POLH: variants seen among roughly 807,000 people sequenced by gnomAD.
POLH encodes DNA polymerase eta transcript.
POLH carries 53 observed loss-of-function variants against 73.6 expected under a neutral mutation model. The ratio of observed to expected loss-of-function variants is 0.72; its 90% CI spans 0.58 to 0.91. The LOEUF is 0.91. POLH is among the 40% of genes least tolerant of loss of function. The pLI, the probability that POLH is intolerant of heterozygous loss-of-function variation, is 0.00. For synonymous variants in POLH, 292 were observed against 308.5 expected (o/e 0.95, Z 0.56); for missense variants, 768 against 865.4 (o/e 0.89, Z 1.41).
intron 4 of POLH, among the ~76,000 whole-genome samples, chr6:43,597,016 GA>G (rs974097023): frequency 3.3e-5 from 5 of 152,004 alleles, no homozygotes; most frequent in African/African-American, 1.2e-4. Context: ...TTTTCTAATT[GA>G]AAAAAATATT....
chr6:43,579,874 T>C (rs1306458766), intron 1 of POLH, among the ~76,000 whole-genome samples: 2 of 152,220 alleles, frequency 1.3e-5, no homozygotes, highest in Non-Finnish European at 2.9e-5. Flanking sequence ...GTCTACCTTA[T>C]TGATTGTTGT....
At chr6:43,577,052 G>A (rs532111069) in intron 1 of POLH, among the ~76,000 whole-genome samples, 7 of 152,256 alleles carry the variant, frequency 4.6e-5, no homozygotes, top group African/African-American at 1.7e-4. Context: ...GGCGGTGCGC[G>A]CCTGTAATCC....
chr6:43,604,518 A>G, intron 7 of POLH, 97 bp from the exon 8 acceptor site: 1 of 1,365,204 alleles, frequency 7.3e-7, no homozygotes. Context: ...CTTTTTCATG[A>G]AAAAGATAAA....
intron 3 of POLH, among the ~76,000 whole-genome samples, chr6:43,586,220 G>T (rs554482974): frequency 2.6e-5 from 4 of 151,958 alleles, no homozygotes; most frequent in African/African-American, 7.3e-5. Context: ...GGCTCACGCC[G>T]GTAATCCCAG....
intron 4 of POLH, chr6:43,591,342 C>G (rs1324737704): frequency 6.6e-6 from 1 of 151,996 alleles, no homozygotes; most frequent in Admixed American, 6.6e-5. Flanking sequence ...ATATGCAACA[C>G]TGATTTTTTT....
At chr6:43,611,538 C>T (rs1767880432) in intron 10 of POLH, among the ~76,000 whole-genome samples, 1 of 152,028 alleles carries the variant, frequency 6.6e-6, no homozygotes, top group Non-Finnish European at 1.5e-5. Context: ...GGATTGGAAT[C>T]CTTTAATTGC....
intron 9 of POLH, among the ~76,000 whole-genome samples, chr6:43,609,670 T>C (rs1310469161): frequency 6.6e-6 from 1 of 152,216 alleles, no homozygotes; most frequent in East Asian, 1.9e-4. Context: ...TAGAAACTTC[T>C]GGAATTGGTG....
chr6:43,576,611 G>A (rs1432634969), intron 1 of POLH, among the ~76,000 whole-genome samples, 171 bp downstream of exon 1: 3 of 152,170 alleles, frequency 2.0e-5, no homozygotes, highest in Admixed American at 6.6e-5. Flanking sequence ...GTAGAAAAAA[G>A]TATGTTTTTC....
rs1306039477 is a variant in POLH, at chr6:43,588,992, C to T, written c.490+1503C>T. ...AGCTGGGATTACGGGCGCCCGCCACCGCGCCCGGCTAATTTTTTTGTATTT... is the reference window on the plus strand; with the variant it reads ...AGCTGGGATTACGGGCGCCCGCCACTGCGCCCGGCTAATTTTTTTGTATTT... On this transcript the variant is annotated intron_variant, in intron 4 of 10. Transcript: ENST00000372236. Among the ~76,000 whole-genome samples the T allele has an allele frequency of 3.3e-5, 5 of 152,158 alleles. No individual in the cohort carries two copies. In the South Asian group the frequency reaches 6.2e-4, roughly 19 times the overall value.
rs1010143363 is a variant in POLH at position 43,595,839 on chromosome 6, AT to A, written c.491-1852del. 2.0e-5 allele frequency among the ~76,000 whole-genome samples: 3 copies of A among 150,546 alleles called. No individual in the cohort carries two copies. In the East Asian group the frequency reaches 5.8e-4, roughly 29 times the overall value. ...TTCCTCAGCACAATGGCTTGCATGT[AT>A]TTTTCTTTTTTTTTTTAAATTACCT... On this transcript the variant is annotated intron_variant, in intron 4 of 10. Transcript: ENST00000372236.
chr6:43,614,568 A>T lies in POLH; in HGVS notation c.*11A>T. The stretch of plus-strand genomic sequence containing the variant: ...CCATTAACACATTAGTGCTGCCCTC[A>T]GGCTTGCCTGTAGGATTTAATATTT... On this transcript the variant is annotated 3_prime_UTR_variant, in exon 11 of 11. Coordinates refer to ENST00000372236, the MANE Select transcript of POLH (RefSeq NM_006502.3). The T allele has an allele frequency of 6.2e-7, 1 of 1,607,932 alleles. No individual in the cohort carries two copies. Among genetic ancestry groups the T allele is most frequent in the Non-Finnish European group, 8.5e-7 (1 of 1,175,382 alleles).
In POLH at chr6:43,583,050, AG is replaced by A; in HGVS notation, c.182del (p.Arg61LysfsTer39). On this transcript the variant is annotated frameshift_variant, in exon 3 of 11. Transcript: ENST00000372236. LOFTEE classifies it high-confidence loss of function. ...TGAAGCTCGTGCATTTGGAGTCACT[AG>A]AAGTATGTGGGCAGATGATGCTAAG... ...SYEARAFGVT[R>X]SMWADDAKKL... 6.2e-7 allele frequency: 1 copy of A among 1,613,712 alleles called. No individual in the cohort carries two copies. Among genetic ancestry groups the A allele is most frequent in the Non-Finnish European group, 8.5e-7 (1 of 1,179,616 alleles).
At chr6:43,577,685 A>T (rs1763528196) in intron 1 of POLH, among the ~76,000 whole-genome samples, 1 of 151,990 alleles carries the variant, frequency 6.6e-6, no homozygotes, top group Admixed American at 6.6e-5. Flanking sequence ...ACTCAACTGT[A>T]TAACCTGTGT....
In POLH at chr6:43,620,441, T is replaced by C. The variant is rs921176562; in HGVS notation, c.*5884T>C. ...TCACTTGTCTCTAATCCTGAAGAGG[T>C]ATCTAGCCCTGGAAGGAAGCTGAGC... is the stretch of plus-strand genomic sequence containing the variant. On this transcript the variant is annotated 3_prime_UTR_variant, in exon 11 of 11. Coordinates refer to ENST00000372236, the MANE Select transcript of POLH (RefSeq NM_006502.3). 5.2e-6 allele frequency: 2 copies of C among 386,490 alleles called. No individual in the cohort carries two copies. Among genetic ancestry groups the C allele is most frequent in the African/African-American group, 2.1e-5 (1 of 47,510 alleles). The allele number at this position is 386,490 out of a possible 1,614,324, so 23.9% of individuals were successfully genotyped here.
At position 43,582,731 on chromosome 6, in the gene POLH, G is replaced by A. The variant is rs9333508; in HGVS notation, c.137+275G>A. Among the ~76,000 whole-genome samples, 4,930 of 152,176 alleles carry A rather than the reference G, an allele frequency of 0.032. 106 individuals carry two copies. The highest frequency in any genetic ancestry group is 0.053 in the Non-Finnish European group (3,610 of 67,996). On this transcript the variant is annotated intron_variant, in intron 2 of 10. Coordinates refer to ENST00000372236, the MANE Select transcript of POLH (RefSeq NM_006502.3). ...GTGGGTAGAGATGGGGATTGGTTGGGGGGGCAGGGCTCACTATATTGCCCA... is the reference window on the plus strand; with the variant it reads ...GTGGGTAGAGATGGGGATTGGTTGGAGGGGCAGGGCTCACTATATTGCCCA...
chr6:43,597,923 A>G, intron 5 of POLH, 58 bp downstream of exon 5: 1 of 1,420,606 alleles, frequency 7.0e-7, no homozygotes, highest in South Asian at 1.1e-5. Context: ...CAAATACAGT[A>G]GGGACAGTGG....
chr6:43,616,594 A>AAC lies in POLH; in HGVS notation c.*2038_*2039insCA, dbSNP rs1180121123. 6.6e-6 allele frequency among the ~76,000 whole-genome samples: 1 copy of AAC among 151,828 alleles called. No homozygotes were observed. The highest frequency in any genetic ancestry group is 1.5e-5 in the Non-Finnish European group (1 of 67,966). Reference sequence around the variant, plus strand: ...AGAGTGAGAGACTGTCTCAAAAAAAAAAAAAACAAAAGAAAAACTTCTCTC... The same window carrying AAC: ...AGAGTGAGAGACTGTCTCAAAAAAAAACAAAAAACAAAAGAAAAACTTCTCTC... On this transcript the variant is annotated 3_prime_UTR_variant, in exon 11 of 11. Transcript: ENST00000372236.
intron 1 of POLH, among the ~76,000 whole-genome samples, chr6:43,581,945 C>G (rs1245786697): frequency 1.3e-5 from 2 of 151,620 alleles, no homozygotes; most frequent in African/African-American, 4.9e-5. Context: ...GTTTTTTCCA[C>G]TCAGGGTATC....
intron 7 of POLH, 58 bp downstream of exon 7, chr6:43,604,069 T>C (rs1767016452): frequency 2.2e-6 from 3 of 1,383,704 alleles, no homozygotes; most frequent in Admixed American, 1.7e-5. Flanking sequence ...TATTCAAATA[T>C]AGACAAAACC....
Sources: allele counts gnomAD v4.1 joint callset (sites outside exome capture counted in the v4.1 genomes callset), GRCh38; gene constraint gnomAD v4.1.1; transcripts MANE v1.5; gene names NCBI Gene and HGNC (gene_info 2026-07-23, HGNC 2026-07-21).